PRKCZ: variants seen among roughly 807,000 people sequenced by gnomAD.
PRKCZ encodes protein kinase C zeta type.
PRKCZ carries 33 observed loss-of-function variants against 79.5 expected under a neutral mutation model. The observed-to-expected ratio is 0.41, with a 90% CI of 0.31 to 0.55. PRKCZ has a LOEUF of 0.55. Among genes scored for constraint, PRKCZ ranks in the 20% least tolerant of loss-of-function variants. The pLI is 0.19. For missense variants in PRKCZ, 578 were observed against 813.5 expected (o/e 0.71, Z 3.52); for synonymous variants, 342 against 320.9 (o/e 1.07, Z -0.70).
chr1:2,074,681 T>C, intron 4 of PRKCZ: 2 of 300,388 alleles, frequency 6.7e-6, no homozygotes, highest in East Asian at 7.7e-5. Context: ...CCAGGGTTAA[T>C]GTGCACGGCT....
At chr1:2,139,829 G>T (rs930194747) in intron 5 of PRKCZ, among the ~76,000 whole-genome samples, 1 of 152,204 alleles carries the variant, frequency 6.6e-6, no homozygotes, top group African/African-American at 2.4e-5. Flanking sequence ...AGTGGGAATC[G>T]TGTCTGGAGT....
In PRKCZ at chr1:2,168,003, C is replaced by T. The variant is rs942416001; in HGVS notation, c.975-1515C>T. Among the ~76,000 whole-genome samples, 3 of 152,308 alleles carry T rather than the reference C, an allele frequency of 2.0e-5. No individual in the cohort carries two copies. Among genetic ancestry groups the T allele is most frequent in the African/African-American group, 7.2e-5 (3 of 41,572 alleles). On this transcript the variant is annotated intron_variant, in intron 10 of 17. Transcript: ENST00000378567. This position sits in a 1 kb window ranked among gnomAD's most constrained non-coding sequence, Gnocchi z 4.7. ...GGGGTTGGAGGCCTTCATGGAGCTTCGTTCCGTGGGGTTGACGTTACTGAA... is the reference window on the plus strand; with the variant it reads ...GGGGTTGGAGGCCTTCATGGAGCTTTGTTCCGTGGGGTTGACGTTACTGAA...
At chr1:2,114,007 AG>A (rs1670248890) in intron 4 of PRKCZ, among the ~76,000 whole-genome samples, 1 of 151,760 alleles carries the variant, frequency 6.6e-6, no homozygotes, top group Non-Finnish European at 1.5e-5. Context: ...GCTCTGGGGG[AG>A]GGAGAGCGGG....
In PRKCZ at chr1:2,149,736, C is replaced by T. The variant is rs1679449124; in HGVS notation, c.687+812C>T. Among the ~76,000 whole-genome samples the T allele has an allele frequency of 6.6e-6, 1 of 152,190 alleles. No individual in the cohort carries two copies. The highest frequency in any genetic ancestry group is 1.5e-5 in the Non-Finnish European group (1 of 68,034). On this transcript the variant is annotated intron_variant, in intron 8 of 17. Coordinates refer to ENST00000378567, the MANE Select transcript of PRKCZ (RefSeq NM_002744.6). The surrounding 1 kb of genome is among the most constrained non-coding windows in gnomAD (Gnocchi z 4.1). ...ATTAGCTGGGCATGGTGGCACGGGC[C>T]TGTGGTCCTAGCTGCTTGGGAGGCT...
Position 2,185,064 on chromosome 1 carries a change from TA to T in PRKCZ, c.*57del, listed in dbSNP as rs1306381846. 36 of 1,494,296 alleles carry T rather than the reference TA, an allele frequency of 2.4e-5. No individual in the cohort carries two copies. The highest frequency in any genetic ancestry group is 7.1e-5 in the South Asian group (6 of 84,648). 92.6% of individuals were successfully genotyped at this position (1,494,296 alleles called of 1,614,324 possible). On this transcript the variant is annotated 3_prime_UTR_variant, in exon 18 of 18. Transcript: ENST00000378567. ...GTGATTGACCCTTTAACTGTATCCT[TA>T]ACCACCGCATATGCATGCCAGGCTG...
In PRKCZ at chr1:2,168,898, G is replaced by A; in HGVS notation, c.975-620G>A. On this transcript the variant is annotated intron_variant, in intron 10 of 17. Coordinates refer to ENST00000378567, the MANE Select transcript of PRKCZ (RefSeq NM_002744.6). This position sits in a 1 kb window ranked among gnomAD's most constrained non-coding sequence, Gnocchi z 4.7. ...ATGTAGGAAAAGATCTTATTAGGAA[G>A]AGAAACCATGTGGCCCAGTCCCTGA... 1 of 261,060 alleles carries A rather than the reference G, an allele frequency of 3.8e-6. No homozygotes were observed. The highest frequency in any genetic ancestry group is 3.9e-5 in the South Asian group (1 of 25,912). 16.2% of individuals were successfully genotyped at this position (261,060 alleles called of 1,614,324 possible).
rs967758567 is a variant in PRKCZ, at chr1:2,165,595, G to C, written c.975-3923G>C. ...AGGCAGTAAATATTTCCACCTTTGTGGGCCATGCGGCCTCTGTGGCAACTA... is the reference window on the plus strand; with the variant it reads ...AGGCAGTAAATATTTCCACCTTTGTCGGCCATGCGGCCTCTGTGGCAACTA... On this transcript the variant is annotated intron_variant, in intron 10 of 17. Transcript: ENST00000378567. This position sits in a 1 kb window ranked among gnomAD's most constrained non-coding sequence, Gnocchi z 4.1. Among the ~76,000 whole-genome samples, 3 of 152,210 alleles carry C rather than the reference G, an allele frequency of 2.0e-5. No homozygotes were observed. Among genetic ancestry groups the C allele is most frequent in the African/African-American group, 4.8e-5 (2 of 41,440 alleles).
chr1:2,089,787 A>C (rs776006425), intron 4 of PRKCZ, among the ~76,000 whole-genome samples: 2 of 152,062 alleles, frequency 1.3e-5, no homozygotes, highest in Non-Finnish European at 2.9e-5. Flanking sequence ...GCAGAACTCA[A>C]TTCTCTCTCA....
At chr1:2,134,303 G>C (rs893422874) in intron 4 of PRKCZ, among the ~76,000 whole-genome samples, 2 of 152,182 alleles carry the variant, frequency 1.3e-5, no homozygotes, top group African/African-American at 4.8e-5. Flanking sequence ...CTAGTCATTT[G>C]CTTGTTTTAA....
intron 4 of PRKCZ, among the ~76,000 whole-genome samples, chr1:2,118,342 GT>G (rs35864868): frequency 8.1e-5 from 11 of 135,414 alleles, no homozygotes; most frequent in East Asian, 2.2e-4. Context: ...AAATGTTTTT[GT>G]TTTTTTTTTT....
Position 2,171,115 on chromosome 1 carries a change from G to A in PRKCZ, c.1062-940G>A, listed in dbSNP as rs529991387. ...AGAGGCCAAGGCGGGCGGATCACGA[G>A]GTCAGGAGATCGAGACCATCCTGGC... is the stretch of plus-strand genomic sequence containing the variant. On this transcript the variant is annotated intron_variant, in intron 11 of 17. Transcript: ENST00000378567. Among the ~76,000 whole-genome samples the A allele has an allele frequency of 2.3e-3, 354 of 152,182 alleles. 1 individual carries two copies. The highest frequency in any genetic ancestry group is 8.0e-3 in the African/African-American group (332 of 41,554).
At chr1:2,151,441 A>G (rs1214040705) in intron 9 of PRKCZ, among the ~76,000 whole-genome samples, 1 of 152,208 alleles carries the variant, frequency 6.6e-6, no homozygotes, top group Non-Finnish European at 1.5e-5. Context: ...GTTGAGTTTT[A>G]GGATGTCATC....
intron 4 of PRKCZ, among the ~76,000 whole-genome samples, chr1:2,110,605 A>C (rs971734770): frequency 7.2e-5 from 11 of 152,140 alleles, no homozygotes; most frequent in African/African-American, 2.7e-4. Flanking sequence ...CCCTGAGTCC[A>C]CTGGGCCCTC....
At position 2,174,644 on chromosome 1, in the gene PRKCZ, G is replaced by C; in HGVS notation, c.1406-110G>C. On this transcript the variant is annotated intron_variant, in intron 14 of 17. Transcript: ENST00000378567. This position sits in a 1 kb window ranked among gnomAD's most constrained non-coding sequence, Gnocchi z 6.2. The stretch of plus-strand genomic sequence containing the variant: ...TGGGCTGTAGGAAGGGAGGGGCTCC[G>C]GGGCCCCAAGGCTGAGCTCCCAAAG... 1 of 1,159,906 alleles carries C rather than the reference G, an allele frequency of 8.6e-7. No homozygotes were observed. The highest frequency in any genetic ancestry group is 1.2e-6 in the Non-Finnish European group (1 of 805,904). 71.9% of individuals were successfully genotyped at this position (1,159,906 alleles called of 1,614,324 possible).
intron 3 of PRKCZ, among the ~76,000 whole-genome samples, chr1:2,058,961 C>T (rs576926216): frequency 3.3e-5 from 5 of 152,070 alleles, no homozygotes; most frequent in Non-Finnish European, 7.4e-5. Flanking sequence ...TGTGTATACA[C>T]ACACACATAA....
At chr1:2,110,824 G>A (rs1669591025) in intron 4 of PRKCZ, among the ~76,000 whole-genome samples, 1 of 152,134 alleles carries the variant, frequency 6.6e-6, no homozygotes, top group Non-Finnish European at 1.5e-5. Context: ...CAGGGCTGGT[G>A]GACAGTAGAG....
intron 4 of PRKCZ, among the ~76,000 whole-genome samples, chr1:2,120,006 A>T (rs544241083): frequency 3.3e-5 from 5 of 151,522 alleles, no homozygotes; most frequent in Middle Eastern, 6.8e-3. Context: ...GGTGTTCTCC[A>T]CTCTGTGTGG....
At chr1:2,071,942 C>G (rs1207029258) in intron 4 of PRKCZ, among the ~76,000 whole-genome samples, 1 of 152,206 alleles carries the variant, frequency 6.6e-6, no homozygotes, top group Non-Finnish European at 1.5e-5. Flanking sequence ...TTTATGCACG[C>G]TGAAATCTGA....
intron 9 of PRKCZ, among the ~76,000 whole-genome samples, chr1:2,152,741 G>A (rs910924767): frequency 7.6e-4 from 115 of 152,294 alleles, no homozygotes; most frequent in African/African-American, 2.7e-3. Context: ...TCTTCTGCAC[G>A]CTTGACAGAA....
Sources: allele counts gnomAD v4.1 joint callset (sites outside exome capture counted in the v4.1 genomes callset), GRCh38; gene constraint gnomAD v4.1.1; non-coding constraint Gnocchi (gnomAD v3.1); transcripts MANE v1.5; gene names NCBI Gene and HGNC (gene_info 2026-07-23, HGNC 2026-07-21).